The following GALNT18 variants were observed in gnomAD, a reference collection of about 807,000 sequenced individuals.
GALNT18 encodes the protein GalNAc-transferase 18.
Under a neutral mutation model 69.5 loss-of-function variants are expected in GALNT18, and 44 were observed. The ratio of observed to expected loss-of-function variants is 0.63; its 90% CI spans 0.50 to 0.81. GALNT18 has a LOEUF of 0.81. Ranked by LOEUF, GALNT18 falls within the 40% of genes least tolerant of loss-of-function variation. The probability of loss-of-function intolerance (pLI) is 0.00; values close to 1 mark genes in which losing one functional copy is unlikely to be tolerated. For missense variants in GALNT18, 715 were observed against 810.0 expected (o/e 0.88, Z 1.42); for synonymous variants, 364 against 318.2 (o/e 1.14, Z -1.53).
chr11:11,530,314 G>C (rs917105525), intron 1 of GALNT18, among the ~76,000 whole-genome samples: 1 of 152,174 alleles, frequency 6.6e-6, no homozygotes, highest in Admixed American at 6.6e-5. Flanking sequence ...CAGCAAACAG[G>C]AAGGCAGTCC....
Position 11,459,884 on chromosome 11 carries a change from G to A in GALNT18, c.236-10948C>T, listed in dbSNP as rs1856003787. On this transcript the variant is annotated intron_variant, in intron 1 of 10. Coordinates refer to ENST00000227756, the MANE Select transcript of GALNT18 (RefSeq NM_198516.3). The surrounding 1 kb of genome is among the most constrained non-coding windows in gnomAD (Gnocchi z 5.0). ...CATCTCACCGGGCTAAAATCAAGGT[G>A]TTGGTAGGGCCATTCTCCTTTCTGG... 1.3e-5 allele frequency among the ~76,000 whole-genome samples: 2 copies of A among 152,190 alleles called. No homozygotes were observed. The highest frequency in any genetic ancestry group is 2.1e-4 in the South Asian group (1 of 4,832).
At chr11:11,420,042 G>C (rs1010024704) in intron 3 of GALNT18, among the ~76,000 whole-genome samples, 1 of 152,094 alleles carries the variant, frequency 6.6e-6, no homozygotes, top group African/African-American at 2.4e-5. Context: ...TGAGCAGAGA[G>C]GAGAGACAGT....
intron 1 of GALNT18, among the ~76,000 whole-genome samples, chr11:11,577,205 A>C (rs1858947400): frequency 6.6e-6 from 1 of 152,214 alleles, no homozygotes; most frequent in Non-Finnish European, 1.5e-5. Flanking sequence ...CCAGGGGCTC[A>C]GTAATGGTAG....
intron 3 of GALNT18, among the ~76,000 whole-genome samples, chr11:11,419,752 C>T (rs1854957562): frequency 6.6e-6 from 1 of 152,056 alleles, no homozygotes; most frequent in African/African-American, 2.4e-5. Flanking sequence ...ACTAGAACAC[C>T]CTGCTGCAGG....
chr11:11,408,694 T>G (rs1406792775), intron 3 of GALNT18, among the ~76,000 whole-genome samples: 1 of 152,146 alleles, frequency 6.6e-6, no homozygotes. Flanking sequence ...GGTCTATTTT[T>G]GCTAGGACCC....
intron 1 of GALNT18, among the ~76,000 whole-genome samples, chr11:11,467,635 G>A (rs1455860508): frequency 1.3e-5 from 2 of 152,192 alleles, no homozygotes; most frequent in African/African-American, 4.8e-5. Context: ...CACCATGGCT[G>A]AGAACACAGT....
intron 9 of GALNT18, among the ~76,000 whole-genome samples, chr11:11,312,901 C>A (rs974646775): frequency 1.2e-4 from 19 of 152,282 alleles, no homozygotes; most frequent in Non-Finnish European, 2.4e-4. Context: ...GAGAATAAAA[C>A]AAAGGCCTCT....
At chr11:11,456,460 A>T (rs1423856936) in intron 1 of GALNT18, among the ~76,000 whole-genome samples, 1 of 152,164 alleles carries the variant, frequency 6.6e-6, no homozygotes, top group Non-Finnish European at 1.5e-5. Flanking sequence ...TAGCGGTGGC[A>T]AACAGCTGCC....
rs1312076693 is a variant in GALNT18, at chr11:11,582,817, T to C, written c.235+38542A>G. Among the ~76,000 whole-genome samples the C allele has an allele frequency of 6.6e-6, 1 of 152,200 alleles. No individual in the cohort carries two copies. Among genetic ancestry groups the C allele is most frequent in the African/African-American group, 2.4e-5 (1 of 41,448 alleles). ...TAGGAAGTAAGCATTTTTAAAAGAT[T>C]ACTCTAGTTGTTGAGTGAAGAACGG... On this transcript the variant is annotated intron_variant, in intron 1 of 10. Coordinates refer to ENST00000227756, the MANE Select transcript of GALNT18 (RefSeq NM_198516.3). This position sits in a 1 kb window ranked among gnomAD's most constrained non-coding sequence, Gnocchi z 5.0.
chr11:11,371,460 G>A (rs1444828956), intron 6 of GALNT18, among the ~76,000 whole-genome samples: 1 of 152,210 alleles, frequency 6.6e-6, no homozygotes, highest in Non-Finnish European at 1.5e-5. Context: ...CAGTAGGTGG[G>A]ACCAGACAGA....
rs543211294 is a variant in GALNT18, at chr11:11,377,093, C to T, written c.977+89G>A. ...CACCCCTGTCATCCCCACGATGGGG[C>T]TCAAGTTGGAGAATAAGCATTGGAC... On this transcript the variant is annotated intron_variant, in intron 5 of 10. Transcript: ENST00000227756. The surrounding 1 kb of genome is among the most constrained non-coding windows in gnomAD (Gnocchi z 4.6). 143 of 1,291,972 alleles carry T rather than the reference C, an allele frequency of 1.1e-4. 3 individuals carry two copies. The South Asian group carries it at 1.6e-3, about 14-fold the overall frequency. The allele number at this position is 1,291,972 out of a possible 1,614,324, so 80.0% of individuals were successfully genotyped here. A position where few individuals can be genotyped will look rare whatever the true frequency, so the allele number is the denominator to read the frequency against.
intron 1 of GALNT18, among the ~76,000 whole-genome samples, chr11:11,456,136 G>A (rs535239711): frequency 2.6e-5 from 4 of 152,286 alleles, no homozygotes; most frequent in Admixed American, 2.6e-4. Flanking sequence ...CCAACTGCAG[G>A]CTGATCTTGG....
chr11:11,416,335 C>G (rs1854856201), intron 3 of GALNT18, among the ~76,000 whole-genome samples: 1 of 152,208 alleles, frequency 6.6e-6, no homozygotes, highest in South Asian at 2.1e-4. Context: ...GGAGAACCCG[C>G]TCTGCACCTC....
At chr11:11,364,431 T>C (rs975681843) in intron 6 of GALNT18, among the ~76,000 whole-genome samples, 8 of 152,132 alleles carry the variant, frequency 5.3e-5, no homozygotes, top group South Asian at 2.1e-4. Context: ...CCAATTTAGA[T>C]GAAATGTATG....
intron 1 of GALNT18, among the ~76,000 whole-genome samples, chr11:11,451,336 T>C (rs1166185723): frequency 1.3e-5 from 2 of 152,234 alleles, no homozygotes; most frequent in Non-Finnish European, 2.9e-5. Context: ...TGTAGTTTTA[T>C]TGCTCTCGAA....
intron 5 of GALNT18, among the ~76,000 whole-genome samples, chr11:11,373,212 G>A (rs560866153): frequency 1.3e-5 from 2 of 152,262 alleles, no homozygotes; most frequent in South Asian, 4.2e-4. Flanking sequence ...CTGTGGGTGA[G>A]TGACCAGAGG....
intron 6 of GALNT18, among the ~76,000 whole-genome samples, chr11:11,369,557 G>T (rs1232419978): frequency 1.3e-5 from 2 of 152,148 alleles, no homozygotes; most frequent in Admixed American, 6.5e-5. Context: ...GGTTTCAAAT[G>T]AGATCACATT....
At chr11:11,475,760 C>T (rs1237317222) in intron 1 of GALNT18, 1 of 152,198 alleles carries the variant, frequency 6.6e-6, no homozygotes, top group Non-Finnish European at 1.5e-5. Context: ...GAATCCCCCA[C>T]CCCAACAGAG....
intron 3 of GALNT18, among the ~76,000 whole-genome samples, chr11:11,423,240 CACACAA>C (rs1363991008): frequency 5.9e-5 from 9 of 152,326 alleles, no homozygotes; most frequent in Middle Eastern, 3.4e-3. Flanking sequence ...GCAAGGCATG[CACACAA>C]ACACATGTGT....
Sources: gnomAD v4.1 joint callset for allele counts (sites outside exome capture counted in the v4.1 genomes callset) on GRCh38, gnomAD v4.1.1 for gene constraint, Gnocchi (gnomAD v3.1) non-coding constraint, MANE v1.5 for transcripts, NCBI Gene and HGNC (gene_info 2026-07-23, HGNC 2026-07-21) for gene names.